The following MPRIP variants were observed in gnomAD, a reference collection of about 807,000 sequenced individuals.
The protein encoded by MPRIP is myosin phosphatase Rho-interacting protein.
In MPRIP, 59 loss-of-function variants were observed where a neutral mutation model predicts 234.9. That is an observed-to-expected ratio of 0.25 (90% CI 0.20 to 0.31). MPRIP has a LOEUF of 0.31. Among genes scored for constraint, MPRIP ranks in the 10% least tolerant of loss-of-function variants. The pLI, the probability that MPRIP is intolerant of heterozygous loss-of-function variation, is 1.00. For synonymous variants in MPRIP, 1,144 were observed against 1,263.9 expected, an observed-to-expected ratio of 0.91 and a Z score of 2.01; for missense variants, 2,436 against 3,071.0, an observed-to-expected ratio of 0.79 and a Z score of 4.89.
chr17:17,071,549 A>C (rs925655708), intron 1 of MPRIP, among the ~76,000 whole-genome samples: 1 of 152,136 alleles, frequency 6.6e-6, no homozygotes, highest in Admixed American at 6.5e-5. Flanking sequence ...GGAGAAATCT[A>C]CATCTGCCCC....
chr17:17,173,793 T>A lies in MPRIP; in HGVS notation c.6591-123T>A, dbSNP rs766751334. The A allele has an allele frequency of 1.1e-5, 13 of 1,148,518 alleles. No individual in the cohort carries two copies. The Admixed American group carries it at 2.4e-4, about 21-fold the overall frequency. 71.1% of individuals were successfully genotyped at this position (1,148,518 alleles called of 1,614,324 possible). The stretch of plus-strand genomic sequence containing the variant: ...CTTACTCTGTATGACCCAGGCTGAT[T>A]AAGACAACAGACTGTGTGGGCCTGA... On this transcript the variant is annotated intron_variant, in intron 18 of 23. Coordinates refer to ENST00000651222, the MANE Select transcript of MPRIP (RefSeq NM_001364716.4).
intron 3 of MPRIP, among the ~76,000 whole-genome samples, chr17:17,086,329 A>G (rs1164579338): frequency 3.3e-5 from 5 of 152,180 alleles, no homozygotes; most frequent in Admixed American, 3.3e-4. Flanking sequence ...CCTCCACCCG[A>G]CTTGACTTTT....
chr17:17,154,167 T>C, intron 12 of MPRIP, 139 bp from the exon 13 acceptor site: 1 of 668,434 alleles, frequency 1.5e-6, no homozygotes, highest in Non-Finnish European at 2.6e-6. Flanking sequence ...TGGGCACATG[T>C]GGCACTCCTA....
chr17:17,125,040 G>C (rs2090464301), intron 3 of MPRIP, among the ~76,000 whole-genome samples: 1 of 152,162 alleles, frequency 6.6e-6, no homozygotes, highest in Non-Finnish European at 1.5e-5. Flanking sequence ...TGGGGTCTGA[G>C]GCTGCCTCCT....
intron 1 of MPRIP, among the ~76,000 whole-genome samples, chr17:17,045,382 G>T (rs564373753): frequency 1.1e-3 from 173 of 152,312 alleles, no homozygotes; most frequent in Non-Finnish European, 1.9e-3. Context: ...CTCTTGCAGG[G>T]ACTGTATTAT....
At chr17:17,131,783 G>A in intron 5 of MPRIP, 82 bp downstream of exon 5, 2 of 1,297,046 alleles carry the variant, frequency 1.5e-6, no homozygotes, top group Non-Finnish European at 2.2e-6. Flanking sequence ...AGGTTAGAGG[G>A]TGAGGACACA....
intron 10 of MPRIP, 86 bp from the exon 11 acceptor site, chr17:17,147,233 A>G (rs2045487592): frequency 3.0e-6 from 4 of 1,319,086 alleles, no homozygotes; most frequent in Non-Finnish European, 4.4e-6. Flanking sequence ...AGGGCCCCAC[A>G]GGCTCTGGCT....
intron 1 of MPRIP, among the ~76,000 whole-genome samples, chr17:17,060,655 G>A (rs1228847686): frequency 1.3e-5 from 2 of 152,230 alleles, no homozygotes; most frequent in Non-Finnish European, 2.9e-5. Flanking sequence ...TAGCTGGGAT[G>A]TATGTCCTCC....
chr17:17,155,470 G>A (rs980381066), intron 13 of MPRIP, among the ~76,000 whole-genome samples: 48 of 152,040 alleles, frequency 3.2e-4, no homozygotes, highest in African/African-American at 1.1e-3. Flanking sequence ...TCTTGAACTC[G>A]TGACCTCAGG....
chr17:17,120,949 G>A lies in MPRIP; in HGVS notation c.268-5753G>A, dbSNP rs543692614. The stretch of plus-strand genomic sequence containing the variant: ...GCCCCCTAGGCAGAGGCAGGGGAGG[G>A]GAGAGGTGCTGGCTGAGGGGCTCCC... On this transcript the variant is annotated intron_variant, in intron 3 of 23. Coordinates refer to ENST00000651222, the MANE Select transcript of MPRIP (RefSeq NM_001364716.4). 1.1e-4 allele frequency among the ~76,000 whole-genome samples: 17 copies of A among 152,300 alleles called. No individual in the cohort carries two copies. The South Asian group carries it at 3.5e-3, about 32-fold the overall frequency.
chr17:17,061,862 G>C (rs914792881), intron 1 of MPRIP, among the ~76,000 whole-genome samples: 10 of 152,132 alleles, frequency 6.6e-5, no homozygotes, highest in African/African-American at 1.4e-4. Context: ...GCACTCCCGT[G>C]AACACTGCTT....
intron 11 of MPRIP, among the ~76,000 whole-genome samples, chr17:17,148,821 C>G (rs939630967): frequency 9.9e-5 from 15 of 152,142 alleles, no homozygotes; most frequent in Admixed American, 6.6e-4. Flanking sequence ...TTGGCTCATT[C>G]CTCTAAGGAA....
chr17:17,054,200 A>G (rs979224838), intron 1 of MPRIP, among the ~76,000 whole-genome samples: 2 of 151,920 alleles, frequency 1.3e-5, no homozygotes, highest in Non-Finnish European at 2.9e-5. Flanking sequence ...ACAGTGAGTG[A>G]TGACAGTCAT....
At chr17:17,144,301 G>T (rs1597455908) in intron 9 of MPRIP, among the ~76,000 whole-genome samples, 1 of 152,232 alleles carries the variant, frequency 6.6e-6, no homozygotes, top group Non-Finnish European at 1.5e-5. Context: ...CTGCCCCAGG[G>T]CTTGGGGGCT....
rs746129481 is a variant in MPRIP, at chr17:17,177,262, G to T, written c.6970G>T (p.Ala2324Ser). 3 of 1,611,984 alleles carry T rather than the reference G, an allele frequency of 1.9e-6. No homozygotes were observed. Among genetic ancestry groups the T allele is most frequent in the Non-Finnish European group, 2.5e-6 (3 of 1,179,042 alleles). ...LQTALRDKKY[A>S]SDKYKDIYTE... ...TTTCACTCCCAAGGACAAGAAGTAC[G>T]CAAGTGACAAGTACAAAGACATCTA... is the stretch of plus-strand genomic sequence containing the variant. The change falls in exon 22 of 24, where the codon GCA (alanine) becomes TCA (serine). Residue 2324 changes from alanine (A) to serine (S), a missense_variant. Transcript: ENST00000651222.
chr17:17,181,034 C>G (rs1394156880), intron 23 of MPRIP, among the ~76,000 whole-genome samples: 1 of 152,224 alleles, frequency 6.6e-6, no homozygotes, highest in African/African-American at 2.4e-5. Context: ...TCTACCGTCA[C>G]CAAAGGCCTC....
At chr17:17,130,962 G>A (rs1026355150) in intron 4 of MPRIP, among the ~76,000 whole-genome samples, 2 of 152,184 alleles carry the variant, frequency 1.3e-5, no homozygotes, top group African/African-American at 4.8e-5. Flanking sequence ...ATTGTGCTGG[G>A]ATAGTGGCAG....
intron 6 of MPRIP, among the ~76,000 whole-genome samples, chr17:17,137,560 C>A (rs568446874): frequency 1.9e-4 from 29 of 152,110 alleles, no homozygotes; most frequent in African/African-American, 5.8e-4. Context: ...GTCAGCTTCC[C>A]CCTTGATGTT....
At chr17:17,146,510 A>G (rs185582085) in intron 10 of MPRIP, among the ~76,000 whole-genome samples, 109 of 152,360 alleles carry the variant, frequency 7.2e-4, no homozygotes, top group African/African-American at 2.5e-3. Flanking sequence ...TAGCACTGCA[A>G]GACTCTCATG....
Sources: allele counts gnomAD v4.1 joint callset (sites outside exome capture counted in the v4.1 genomes callset), GRCh38; gene constraint gnomAD v4.1.1; transcripts MANE v1.5; gene names NCBI Gene and HGNC (gene_info 2026-07-23, HGNC 2026-07-21).